Variants in FSTL4 observed in about 807,000 individuals in gnomAD.
The protein encoded by FSTL4 is follistatin like 4.
In FSTL4, 28 loss-of-function variants were observed where a neutral mutation model predicts 78.2. The observed-to-expected ratio is 0.36, with a 90% CI of 0.27 to 0.49. FSTL4 has a LOEUF of 0.49. FSTL4 is among the 20% of genes least tolerant of loss of function. The pLI, the probability that FSTL4 is intolerant of heterozygous loss-of-function variation, is 0.98. For synonymous variants in FSTL4, 422 were observed against 440.5 expected, an observed-to-expected ratio of 0.96 and a Z score of 0.53; for missense variants, 922 against 1,084.9, an observed-to-expected ratio of 0.85 and a Z score of 2.11.
At chr5:133,792,393 T>C in the FSTL4 span, among the ~76,000 whole-genome samples, 1 of 152,214 alleles carries the variant, frequency 6.6e-6, no homozygotes, top group Non-Finnish European at 1.5e-5. Flanking sequence ...AATTTCTTGC[T>C]CAAAGATGGA....
chr5:133,395,614 C>G (rs981603543), intron 4 of FSTL4, among the ~76,000 whole-genome samples: 2 of 152,214 alleles, frequency 1.3e-5, no homozygotes, highest in Non-Finnish European at 2.9e-5. Context: ...CTTTCCCCAG[C>G]TTGCTGTGAT....
At chr5:133,209,900 C>T (rs1750647189) in intron 14 of FSTL4, 1 of 297,938 alleles carries the variant, frequency 3.4e-6, no homozygotes, top group South Asian at 8.3e-5. Context: ...TCTGTTGGGA[C>T]CCAGGAGCTA....
intron 11 of FSTL4, among the ~76,000 whole-genome samples, chr5:133,221,442 GT>G: frequency 9.1e-6 from 1 of 110,290 alleles, no homozygotes; most frequent in East Asian, 3.1e-4. Context: ...CTGGCAGCCC[GT>G]GCCAGGCAGC....
At chr5:133,237,823 G>A (rs1161860863) in intron 7 of FSTL4, among the ~76,000 whole-genome samples, 1 of 150,480 alleles carries the variant, frequency 6.6e-6, no homozygotes, top group Non-Finnish European at 1.5e-5. Flanking sequence ...ACGCTTGATT[G>A]CATCTCTGTA....
the FSTL4 span, among the ~76,000 whole-genome samples, chr5:133,640,312 A>G: frequency 6.6e-6 from 1 of 152,348 alleles, no homozygotes; most frequent in African/African-American, 2.4e-5. Context: ...ATGCCTTGGA[A>G]GGGAGACATT....
At chr5:133,498,889 A>C (rs1028017990) in intron 3 of FSTL4, among the ~76,000 whole-genome samples, 3 of 151,990 alleles carry the variant, frequency 2.0e-5, no homozygotes, top group Non-Finnish European at 2.9e-5. Context: ...CTGTTTTAGC[A>C]GAACTAGAGA....
the FSTL4 span, among the ~76,000 whole-genome samples, chr5:133,785,118 C>G: frequency 6.6e-6 from 1 of 152,182 alleles, no homozygotes; most frequent in African/African-American, 2.4e-5. Context: ...CTCTGCCTCC[C>G]CTCACAAAGC....
chr5:133,367,233 C>G (rs1221554196), intron 4 of FSTL4, among the ~76,000 whole-genome samples: 1 of 152,180 alleles, frequency 6.6e-6, no homozygotes, highest in East Asian at 1.9e-4. Flanking sequence ...GGAATAAAGA[C>G]TCAAGTCAGC....
chr5:133,393,952 TCTC>T (rs958853886), intron 4 of FSTL4, among the ~76,000 whole-genome samples: 4 of 151,934 alleles, frequency 2.6e-5, no homozygotes, highest in Admixed American at 1.3e-4. Flanking sequence ...CACCAGGAGG[TCTC>T]CTGGGGAAGA....
chr5:133,607,234 T>G (rs1760996706), intron 1 of FSTL4, among the ~76,000 whole-genome samples: 1 of 152,238 alleles, frequency 6.6e-6, no homozygotes, highest in African/African-American at 2.4e-5. Context: ...ATTCATTATA[T>G]CTACAGCACC....
chr5:133,458,711 G>A (rs1757538314), intron 3 of FSTL4, among the ~76,000 whole-genome samples: 1 of 152,236 alleles, frequency 6.6e-6, no homozygotes, highest in Non-Finnish European at 1.5e-5. Flanking sequence ...CAGTTACCAG[G>A]GCCTCACAGA....
chr5:133,327,846 C>T (rs557235561), intron 4 of FSTL4, among the ~76,000 whole-genome samples: 91 of 152,250 alleles, frequency 6.0e-4, no homozygotes, highest in Non-Finnish European at 1.1e-3. Context: ...AGGATTTTGG[C>T]GTGTGGGTAC....
At chr5:133,726,869 C>T in the FSTL4 span, among the ~76,000 whole-genome samples, 52 of 152,288 alleles carry the variant, frequency 3.4e-4, 1 homozygote, top group East Asian at 9.6e-4. Flanking sequence ...ATAGGCATAT[C>T]GCCACTTCAC....
the FSTL4 span, among the ~76,000 whole-genome samples, chr5:133,776,178 G>A: frequency 9.0e-4 from 137 of 152,258 alleles, no homozygotes; most frequent in Admixed American, 2.3e-3. Context: ...GCAGCCTACA[G>A]AGACTATATC....
chr5:133,790,968 C>T, the FSTL4 span, among the ~76,000 whole-genome samples: 3 of 152,182 alleles, frequency 2.0e-5, no homozygotes. Flanking sequence ...AAGCCCCCAT[C>T]TCACTGATGG....
chr5:133,574,923 C>T (rs764615029), intron 2 of FSTL4: 6 of 151,992 alleles, frequency 3.9e-5, no homozygotes, highest in South Asian at 2.1e-4. Context: ...GGATAATGAC[C>T]GGGGGACACA....
chr5:133,765,982 G>A, the FSTL4 span, among the ~76,000 whole-genome samples: 2 of 152,150 alleles, frequency 1.3e-5, no homozygotes, highest in East Asian at 1.9e-4. Flanking sequence ...GATGATGGGC[G>A]CTCCCTTCAA....
At chr5:133,624,416 G>C in the FSTL4 span, among the ~76,000 whole-genome samples, 1 of 151,912 alleles carries the variant, frequency 6.6e-6, no homozygotes, top group African/African-American at 2.4e-5. Context: ...AAACAAAGCA[G>C]ATTGGTGGTT....
chr5:133,622,281 A>G, the FSTL4 span, among the ~76,000 whole-genome samples: 1 of 152,206 alleles, frequency 6.6e-6, no homozygotes, highest in East Asian at 1.9e-4. Flanking sequence ...GAAGTGCCAC[A>G]TTTGTTTAAC....
Sources: gnomAD v4.1 joint callset for allele counts (sites outside exome capture counted in the v4.1 genomes callset) on GRCh38, gnomAD v4.1.1 for gene constraint, MANE v1.5 for transcripts, NCBI Gene and HGNC (gene_info 2026-07-23, HGNC 2026-07-21) for gene names.